HIF1A: variants seen among roughly 807,000 people sequenced by gnomAD.
HIF1A encodes hypoxia-inducible factor 1-alpha.
In HIF1A, 24 loss-of-function variants were observed where a neutral mutation model predicts 92.7. The ratio of observed to expected loss-of-function variants is 0.26; its 90% CI spans 0.19 to 0.36. The LOEUF (loss-of-function observed/expected upper bound fraction) is 0.36, where lower values mean the gene tolerates loss of function less well. Ranked by LOEUF, HIF1A falls within the 10% of genes least tolerant of loss-of-function variation. HIF1A has a pLI of 1.00. For synonymous variants in HIF1A, 319 were observed against 338.7 expected, an observed-to-expected ratio of 0.94 and a Z score of 0.64; for missense variants, 799 against 998.5, an observed-to-expected ratio of 0.80 and a Z score of 2.69.
intron 1 of HIF1A, among the ~76,000 whole-genome samples, chr14:61,702,439 CAAAAAAAAA>C (rs149442775): frequency 1.3e-5 from 1 of 78,794 alleles, no homozygotes; most frequent in East Asian, 3.4e-4. Flanking sequence ...ATGCTGTCTC[CAAAAAAAAA>C]AAAAAAAAAT....
rs754951963 is a variant in HIF1A, at chr14:61,695,810, GGGCGCCGGC to G, written c.12_20del (p.Gly5_Ala7del). ...ATCGCGGGGACCGATTCACCATGGA[GGGCGCCGGC>G]GGCGCGAACGACAAGAAAAAGTAAG... On this transcript the variant is annotated inframe_deletion, in exon 1 of 15. Transcript: ENST00000337138. The G allele has an allele frequency of 1.9e-6, 3 of 1,596,326 alleles. No individual in the cohort carries two copies. The highest frequency in any genetic ancestry group is 2.6e-6 in the Non-Finnish European group (3 of 1,173,100).
At chr14:61,736,082 G>A (rs1478255508) in intron 8 of HIF1A, among the ~76,000 whole-genome samples, 4 of 151,236 alleles carry the variant, frequency 2.6e-5, no homozygotes, top group African/African-American at 4.9e-5. Flanking sequence ...GAGCTCAAGT[G>A]ATTCTCATGC....
intron 4 of HIF1A, 126 bp from the exon 5 acceptor site, chr14:61,726,580 T>C (rs2044507648): frequency 8.8e-6 from 5 of 570,456 alleles, no homozygotes; most frequent in East Asian, 3.1e-5. Flanking sequence ...AATGAATTAC[T>C]GTGTTCATGC....
intron 4 of HIF1A, among the ~76,000 whole-genome samples, chr14:61,725,000 C>A (rs1380806567): frequency 1.3e-5 from 2 of 152,166 alleles, no homozygotes; most frequent in Non-Finnish European, 2.9e-5. Context: ...ACATTGTGGA[C>A]AAACTACTAT....
chr14:61,722,805 G>A (rs1268201348), intron 4 of HIF1A, among the ~76,000 whole-genome samples: 2 of 152,156 alleles, frequency 1.3e-5, no homozygotes, highest in Admixed American at 1.3e-4. Flanking sequence ...CTAATTCTTA[G>A]GAATTAATTG....
intron 7 of HIF1A, among the ~76,000 whole-genome samples, chr14:61,733,936 A>G (rs1202167959): frequency 6.6e-6 from 1 of 152,172 alleles, no homozygotes; most frequent in Non-Finnish European, 1.5e-5. Flanking sequence ...AAGGAGTTTT[A>G]TTTAGGGGGT....
chr14:61,704,268 G>A (rs530316162), intron 1 of HIF1A, among the ~76,000 whole-genome samples: 7 of 152,254 alleles, frequency 4.6e-5, no homozygotes, highest in South Asian at 2.1e-4. Flanking sequence ...ATAATCTGAC[G>A]AAGGCTATTC....
intron 1 of HIF1A, among the ~76,000 whole-genome samples, chr14:61,713,072 TAAGC>T (rs1032163138): frequency 1.3e-5 from 2 of 151,492 alleles, no homozygotes; most frequent in Non-Finnish European, 2.9e-5. Flanking sequence ...AGGAGTAGAG[TAAGC>T]AAGCCAGAAA....
intron 6 of HIF1A, among the ~76,000 whole-genome samples, chr14:61,728,019 C>CAA (rs61241012): frequency 5.6e-4 from 80 of 143,422 alleles, no homozygotes; most frequent in African/African-American, 1.3e-3. Context: ...ACTCCCATTT[C>CAA]AAAAAAAAAA....
rs779897997 is a variant in HIF1A, at chr14:61,720,429, C to A, written c.83C>A (p.Ser28Tyr). Residue 28 changes from serine (S) to tyrosine (Y), a missense_variant, in exon 2 of 15, where the codon TCT (serine) becomes TAT (tyrosine). Coordinates refer to ENST00000337138, the MANE Select transcript of HIF1A (RefSeq NM_001530.4). ...GAAAAGTCTCGAGATGCAGCCAGATCTCGGCGAAGTAAAGAATCTGAAGTT... is the reference window on the plus strand; with the variant it reads ...GAAAAGTCTCGAGATGCAGCCAGATATCGGCGAAGTAAAGAATCTGAAGTT... ...RKEKSRDAAR[S>Y]RRSKESEVFY... 182 of 1,613,082 alleles carry A rather than the reference C, an allele frequency of 1.1e-4. 1 individual carries two copies. The East Asian group carries it at 3.9e-3, about 35-fold the overall frequency.
intron 5 of HIF1A, 65 bp from the exon 6 acceptor site, chr14:61,727,388 T>C: frequency 3.3e-6 from 4 of 1,210,372 alleles, no homozygotes; most frequent in South Asian, 1.2e-5. Flanking sequence ...CAACTACTTA[T>C]CTCTGCTTTT....
intron 1 of HIF1A, among the ~76,000 whole-genome samples, chr14:61,708,247 G>A (rs1483673638): frequency 6.6e-6 from 1 of 152,138 alleles, no homozygotes. Flanking sequence ...CTCCCATTCT[G>A]TAGGTTGCCT....
chr14:61,740,719 G>A (rs751696071), intron 11 of HIF1A, 36 bp from the exon 12 acceptor site: 13 of 1,566,980 alleles, frequency 8.3e-6, no homozygotes, highest in Non-Finnish European at 1.1e-5. Flanking sequence ...ATAAGGTGTG[G>A]CCATTGTAAA....
At chr14:61,714,373 G>A (rs1389552836) in intron 1 of HIF1A, among the ~76,000 whole-genome samples, 6 of 152,146 alleles carry the variant, frequency 3.9e-5, no homozygotes, top group Admixed American at 3.9e-4. Context: ...TTGTTTATTC[G>A]TTTGCTGGTA....
chr14:61,695,749 G>C lies in HIF1A; in HGVS notation c.-56G>C, dbSNP rs1044256661. 6.4e-7 allele frequency: 1 copy of C among 1,556,794 alleles called. No homozygotes were observed. The highest frequency in any genetic ancestry group is 2.4e-5 in the East Asian group (1 of 42,412). On this transcript the variant is annotated 5_prime_UTR_variant, in exon 1 of 15. Transcript: ENST00000337138. ...GCGTGTGGAGGGAGCCAGCGCTTAG[G>C]CCGGAGCGAGCCTGGGGGCCGCCCG...
rs2044664003 is a variant in HIF1A, at chr14:61,738,290, C to G, written c.1453C>G (p.Leu485Val). 1 of 1,614,020 alleles carries G rather than the reference C, an allele frequency of 6.2e-7. No homozygotes were observed. ...AAAATTAGAACCAAATCCAGAGTCA[C>G]TGGAACTTTCTTTTACCATGCCCCA... ...ALKLEPNPES[L>V]ELSFTMPQIQ... is the part of the protein sequence containing the mutation. Residue 485 changes from leucine to valine, a missense_variant, in exon 10 of 15, where the codon CTG (leucine) becomes GTG (valine). This residue lies in a region of HIF1A where 516 missense variants were observed against 721.0 expected (regional missense o/e 0.72). Transcript: ENST00000337138.
intron 6 of HIF1A, among the ~76,000 whole-genome samples, chr14:61,728,979 C>G (rs1451186134): frequency 6.6e-6 from 1 of 151,792 alleles, no homozygotes; most frequent in African/African-American, 2.4e-5. Context: ...TTTTAGAAGA[C>G]TGAAAAAAAA....
At chr14:61,745,855 C>T (rs189775320) in intron 14 of HIF1A, 38 bp downstream of exon 14, 1 of 1,515,990 alleles carries the variant, frequency 6.6e-7, no homozygotes, top group Non-Finnish European at 9.1e-7. Context: ...ATCACAAAGA[C>T]AAAATACATG....
At position 61,696,078 on chromosome 14, in the gene HIF1A, G is replaced by A. The variant is rs992579147; in HGVS notation, c.35+239G>A. On this transcript the variant is annotated intron_variant, in intron 1 of 14. Coordinates refer to ENST00000337138, the MANE Select transcript of HIF1A (RefSeq NM_001530.4). Reference sequence around the variant, plus strand: ...CTCGAAAGTGCTTTCAGGGGCCGGGGTCTGAGCCCTGCTTGCCCTCCCCGC... The same window carrying A: ...CTCGAAAGTGCTTTCAGGGGCCGGGATCTGAGCCCTGCTTGCCCTCCCCGC... Among the ~76,000 whole-genome samples, 6 of 152,138 alleles carry A rather than the reference G, an allele frequency of 3.9e-5. 1 individual carries two copies. The highest frequency in any genetic ancestry group is 1.4e-4 in the African/African-American group (6 of 41,438).
Sources: allele counts gnomAD v4.1 joint callset (sites outside exome capture counted in the v4.1 genomes callset), GRCh38; gene constraint gnomAD v4.1.1; regional missense constraint gnomAD v4.1.1; transcripts MANE v1.5; gene names NCBI Gene and HGNC (gene_info 2026-07-23, HGNC 2026-07-21).